ARID2: variants seen among roughly 807,000 people sequenced by gnomAD.
ARID2 encodes the protein AT-rich interactive domain-containing protein 2.
A neutral mutation model predicts 184.6 loss-of-function variants in ARID2; 32 were observed. The ratio of observed to expected loss-of-function variants is 0.17; its 90% CI spans 0.13 to 0.23. The LOEUF (loss-of-function observed/expected upper bound fraction) is 0.23. Ranked by LOEUF, ARID2 falls within the 10% of genes least tolerant of loss-of-function variation. The pLI is 1.00. For synonymous variants in ARID2, 836 were observed against 772.6 expected (o/e 1.08, Z -1.36); for missense variants, 1,696 against 2,197.6 (o/e 0.77, Z 4.56).
At chr12:45,871,684 T>G (rs1943928475) in intron 16 of ARID2, among the ~76,000 whole-genome samples, 1 of 152,210 alleles carries the variant, frequency 6.6e-6, no homozygotes, top group South Asian at 2.1e-4. Context: ...GTAGAGAATT[T>G]ATATCATTCC....
chr12:45,821,335 GT>G, intron 5 of ARID2, 84 bp from the exon 6 acceptor site: 2 of 793,886 alleles, frequency 2.5e-6, no homozygotes, highest in Non-Finnish European at 3.8e-6. Flanking sequence ...TAGTTTTGTT[GT>G]TTTTCCAAGC....
At chr12:45,836,356 C>T (rs1350102833) in intron 6 of ARID2, among the ~76,000 whole-genome samples, 4 of 152,170 alleles carry the variant, frequency 2.6e-5, no homozygotes, top group Non-Finnish European at 5.9e-5. Context: ...ACTTCAGGCA[C>T]ATGCCACCAC....
rs1411791993 is a variant in ARID2 at position 45,906,775 on chromosome 12, A to T, written c.*1697A>T. On this transcript the variant is annotated 3_prime_UTR_variant, in exon 21 of 21. Transcript: ENST00000334344. ...TTGTTATAATGCAGAGCAAATGTAG[A>T]GAACAGCAAATGATTGATGCAGTTA... The T allele has an allele frequency of 4.3e-6, 1 of 232,072 alleles. No individual in the cohort carries two copies. Among genetic ancestry groups the T allele is most frequent in the Admixed American group, 5.6e-5 (1 of 17,758 alleles). The allele number at this position is 232,072 out of a possible 1,614,324, so 14.4% of individuals were successfully genotyped here.
intron 20 of ARID2, among the ~76,000 whole-genome samples, chr12:45,898,078 G>A (rs773524039): frequency 1.3e-4 from 20 of 152,026 alleles, no homozygotes; most frequent in Admixed American, 1.2e-3. Context: ...GATTACAGGC[G>A]TGAGCTACTG....
intron 3 of ARID2, among the ~76,000 whole-genome samples, chr12:45,768,415 C>G (rs1220283312): frequency 2.6e-5 from 4 of 152,062 alleles, no homozygotes; most frequent in Admixed American, 2.6e-4. Flanking sequence ...GGCTGTTGCC[C>G]CAACTCCACA....
chr12:45,836,600 C>A lies in ARID2; in HGVS notation c.717C>A (p.Asp239Glu). ...ATTTATCATTACAGTTTTGGAAAGACATCGTTGATGATAATGAAGTTCGTG... is the reference window on the plus strand; with the variant it reads ...ATTTATCATTACAGTTTTGGAAAGAAATCGTTGATGATAATGAAGTTCGTG... Reference protein sequence around the residue: ...TDRDFVKFWKDIVDDNEVRDL... With the variant: ...TDRDFVKFWKEIVDDNEVRDL... Residue 239 changes from aspartate to glutamate, a missense_variant, in exon 7 of 21, where the codon GAC (aspartate) becomes GAA (glutamate). Physicochemically the swap from Asp to Glu is conservative, Grantham distance 45. Around this residue, in one of 11 missense-constraint regions of ARID2, gnomAD observed 148 missense variants for 285.4 expected, o/e 0.52. Coordinates refer to ENST00000334344, the MANE Select transcript of ARID2 (RefSeq NM_152641.4). The A allele has an allele frequency of 6.2e-7, 1 of 1,609,572 alleles. No homozygotes were observed. Among genetic ancestry groups the A allele is most frequent in the Non-Finnish European group, 8.5e-7 (1 of 1,178,442 alleles).
chr12:45,776,406 A>G (rs1337332910), intron 3 of ARID2: 1 of 152,268 alleles, frequency 6.6e-6, no homozygotes, highest in Admixed American at 6.5e-5. Flanking sequence ...TAAACTGTCC[A>G]AATTTCTGGC....
chr12:45,872,208 G>A (rs1943938039), intron 16 of ARID2, among the ~76,000 whole-genome samples: 1 of 151,928 alleles, frequency 6.6e-6, no homozygotes, highest in South Asian at 2.1e-4. Context: ...TAAGGTAGAA[G>A]CTTGCATTAT....
In ARID2 at chr12:45,906,821, T is replaced by C. The variant is rs1445066061; in HGVS notation, c.*1743T>C. 1 of 232,182 alleles carries C rather than the reference T, an allele frequency of 4.3e-6. No individual in the cohort carries two copies. Among genetic ancestry groups the C allele is most frequent in the African/African-American group, 2.2e-5 (1 of 45,324 alleles). 14.4% of individuals were successfully genotyped at this position (232,182 alleles called of 1,614,324 possible). A position where few individuals can be genotyped will look rare whatever the true frequency, so the allele number is the denominator to read the frequency against. ...AGTTAAAGCTCAATATGCCTTTTTT[T>C]ACTGGATACTGTACATTTGGCTAAA... On this transcript the variant is annotated 3_prime_UTR_variant, in exon 21 of 21. Coordinates refer to ENST00000334344, the MANE Select transcript of ARID2 (RefSeq NM_152641.4).
At chr12:45,785,297 A>C (rs750756659) in intron 3 of ARID2, among the ~76,000 whole-genome samples, 1 of 152,222 alleles carries the variant, frequency 6.6e-6, no homozygotes, top group African/African-American at 2.4e-5. Flanking sequence ...TTTTCTACTT[A>C]CTAAAAGGTT....
chr12:45,840,395 G>T (rs1418630676), intron 11 of ARID2: 1 of 152,022 alleles, frequency 6.6e-6, no homozygotes, highest in African/African-American at 2.4e-5. Flanking sequence ...AAACTTATTA[G>T]CATCTGGACT....
intron 6 of ARID2, among the ~76,000 whole-genome samples, chr12:45,829,750 T>G (rs1943073104): frequency 6.6e-6 from 1 of 151,230 alleles, no homozygotes; most frequent in African/African-American, 2.4e-5. Context: ...TTTCTTGTAT[T>G]ATTGTCATTC....
intron 16 of ARID2, among the ~76,000 whole-genome samples, chr12:45,876,210 G>GGA (rs1565634401): frequency 1.3e-5 from 2 of 152,134 alleles, no homozygotes; most frequent in East Asian, 1.9e-4. Context: ...CCCTAAGGAT[G>GGA]GAGAGAGAGA....
chr12:45,747,900 A>G (rs1941389491), intron 3 of ARID2, among the ~76,000 whole-genome samples: 1 of 152,162 alleles, frequency 6.6e-6, no homozygotes, highest in East Asian at 1.9e-4. Context: ...AAGATTTGAG[A>G]GAGTAATACA....
At chr12:45,759,677 A>C (rs973059794) in intron 3 of ARID2, among the ~76,000 whole-genome samples, 1 of 152,144 alleles carries the variant, frequency 6.6e-6, no homozygotes, top group Non-Finnish European at 1.5e-5. Flanking sequence ...TAGTGTAATA[A>C]TTTTTATAGG....
At chr12:45,777,627 A>G (rs1423231902) in intron 3 of ARID2, among the ~76,000 whole-genome samples, 1 of 151,880 alleles carries the variant, frequency 6.6e-6, no homozygotes, top group Non-Finnish European at 1.5e-5. Flanking sequence ...ACTTGAGTCT[A>G]TCCCTAATTA....
intron 16 of ARID2, among the ~76,000 whole-genome samples, chr12:45,869,066 C>G (rs1943876315): frequency 6.6e-6 from 1 of 151,528 alleles, no homozygotes; most frequent in Non-Finnish European, 1.5e-5. Context: ...GTCACCCAGG[C>G]TGGAGTACAT....
intron 16 of ARID2, among the ~76,000 whole-genome samples, chr12:45,870,259 A>T (rs891650651): frequency 1.3e-5 from 2 of 152,120 alleles, no homozygotes; most frequent in South Asian, 4.1e-4. Flanking sequence ...AAGTGCTGGG[A>T]TTACAGGCGT....
At chr12:45,822,876 C>T (rs4768662) in intron 6 of ARID2, among the ~76,000 whole-genome samples, 22,497 of 152,024 alleles carry the variant, frequency 0.15, 2,006 homozygotes, top group Admixed American at 0.21. Flanking sequence ...AATTATAGTT[C>T]GGGACTTTAC....
Sources: gnomAD v4.1 joint callset for allele counts (sites outside exome capture counted in the v4.1 genomes callset) on GRCh38, gnomAD v4.1.1 for gene constraint, gnomAD v4.1.1 regional missense constraint, MANE v1.5 for transcripts, NCBI Gene and HGNC (gene_info 2026-07-23, HGNC 2026-07-21) for gene names.